Variants in KIF6 observed in about 807,000 individuals in gnomAD.
KIF6 encodes kinesin-like protein KIF6.
Under a neutral mutation model 112.7 loss-of-function variants are expected in KIF6, and 106 were observed. The ratio of observed to expected loss-of-function variants is 0.94; its 90% confidence interval spans 0.80 to 1.11. KIF6 has a LOEUF of 1.11. Among genes scored for constraint, KIF6 ranks in the 50% least tolerant of loss-of-function variants. The pLI, the probability that KIF6 is intolerant of heterozygous loss-of-function variation, is 0.00. For missense variants in KIF6, 929 were observed against 964.0 expected (o/e 0.96, Z 0.48); for synonymous variants, 339 against 339.9 (o/e 1.00, Z 0.03).
chr6:39,362,469 C>G lies in KIF6; in HGVS notation c.1911G>C (p.Glu637Asp). ...AVPLMPDQQE[E>D]KLRSQLEEEK... ...CTTCCTCCAGTTGTGATCGCAGCTTCTCCTCCTGCTGGTCTGGCATCAGAG... is the reference window on the plus strand; with the variant it reads ...CTTCCTCCAGTTGTGATCGCAGCTTGTCCTCCTGCTGGTCTGGCATCAGAG... The change falls in exon 17 of 23, where the codon GAG becomes GAC. Residue 637 changes from glutamate (E) to aspartate (D), a missense_variant. Physicochemically the swap from Glu to Asp is conservative, Grantham distance 45. Coordinates refer to ENST00000287152, the MANE Select transcript of KIF6 (RefSeq NM_145027.6). 3.7e-6 allele frequency: 6 copies of G among 1,614,172 alleles called. No homozygotes were observed. Among genetic ancestry groups the G allele is most frequent in the Non-Finnish European group, 5.1e-6 (6 of 1,180,010 alleles).
At chr6:39,487,736 G>T (rs1775204403) in intron 13 of KIF6, among the ~76,000 whole-genome samples, 2 of 152,268 alleles carry the variant, frequency 1.3e-5, no homozygotes, top group Admixed American at 1.3e-4. Flanking sequence ...GCAGTTTAGT[G>T]GCTGAAAAAC....
intron 19 of KIF6, among the ~76,000 whole-genome samples, chr6:39,351,393 G>C (rs1764236147): frequency 6.6e-6 from 1 of 151,128 alleles, no homozygotes; most frequent in African/African-American, 2.4e-5. Context: ...ACCACGCCCG[G>C]CTATGGATTT....
At position 39,336,352 on chromosome 6, in the gene KIF6, C is replaced by G; in HGVS notation, c.*180G>C. 3 of 626,268 alleles carry G rather than the reference C, an allele frequency of 4.8e-6. No homozygotes were observed. The highest frequency in any genetic ancestry group is 8.4e-6 in the Non-Finnish European group (3 of 355,244). The allele number at this position is 626,268 out of a possible 1,614,324, so 38.8% of individuals were successfully genotyped here. ...TTGTGGTCAGCCCCAGCCCCAGCCT[C>G]TCGGTGGCCTCCAGGTCAGCATCCT... is the stretch of plus-strand genomic sequence containing the variant. On this transcript the variant is annotated 3_prime_UTR_variant, in exon 23 of 23. Coordinates refer to ENST00000287152, the MANE Select transcript of KIF6 (RefSeq NM_145027.6).
chr6:39,429,638 A>G (rs150687328), intron 14 of KIF6, among the ~76,000 whole-genome samples: 4,821 of 152,282 alleles, frequency 0.032, 115 homozygotes, highest in Admixed American at 0.039. Context: ...GGCCAGGCGC[A>G]GTGGCTCATG....
At chr6:39,548,041 G>A (rs74904963) in intron 10 of KIF6, among the ~76,000 whole-genome samples, 5 of 152,234 alleles carry the variant, frequency 3.3e-5, no homozygotes, top group African/African-American at 7.2e-5. Flanking sequence ...ATATACACTC[G>A]TTTTCTGGAG....
In KIF6 at chr6:39,385,666, A is replaced by G. The variant is rs1260403980; in HGVS notation, c.1817T>C (p.Leu606Pro). The G allele has an allele frequency of 1.2e-6, 2 of 1,612,546 alleles. No individual in the cohort carries two copies. Among genetic ancestry groups the G allele is most frequent in the Non-Finnish European group, 1.7e-6 (2 of 1,179,138 alleles). ...ATGCCGCTGGGTGATTTCTTCCTTC[A>G]GGTGACCTGCCAAAGACACAAAAGA... The part of the protein sequence containing the change: ...INEARSKIGH[L>P]KEEITQRHIQ... Residue 606 changes from leucine to proline, a missense_variant, in exon 16 of 23, where the codon CTG (leucine) becomes CCG (proline). By Grantham distance (98) the Leu-to-Pro change is moderately conservative. Coordinates refer to ENST00000287152, the MANE Select transcript of KIF6 (RefSeq NM_145027.6).
chr6:39,434,777 A>T (rs1369894785), intron 13 of KIF6, among the ~76,000 whole-genome samples: 3 of 152,064 alleles, frequency 2.0e-5, no homozygotes, highest in Non-Finnish European at 4.4e-5. Context: ...AAGGATCTGA[A>T]GGATGAAGCA....
rs565707405 is a variant in KIF6, at chr6:39,685,291, T to C, written c.251+29401A>G. On this transcript the variant is annotated intron_variant, in intron 3 of 22. Coordinates refer to ENST00000287152, the MANE Select transcript of KIF6 (RefSeq NM_145027.6). The stretch of plus-strand genomic sequence containing the variant: ...CAGGAAACAAATGGAGGACTGGCCT[T>C]TGGCAGAGACAGTAGAGCTCTGACT... Among the ~76,000 whole-genome samples the C allele has an allele frequency of 7.9e-5, 12 of 152,116 alleles. No individual in the cohort carries two copies. In the South Asian group the frequency reaches 1.7e-3, roughly 21 times the overall value.
At chr6:39,400,639 G>T (rs1768629504) in intron 15 of KIF6, among the ~76,000 whole-genome samples, 1 of 152,186 alleles carries the variant, frequency 6.6e-6, no homozygotes. Context: ...TGAGTGTGTG[G>T]CAAGGAGAGG....
rs371863834 is a variant in KIF6, at chr6:39,576,936, T to C, written c.1181+1120A>G. Among the ~76,000 whole-genome samples, 14 of 152,380 alleles carry C rather than the reference T, an allele frequency of 9.2e-5. No homozygotes were observed. In the East Asian group the frequency reaches 2.5e-3, roughly 27 times the overall value. ...GAAGAGACATTTTCAAAGACAATAA[T>C]TGGTAATTCCCTTCTTTGAGGGGAA... On this transcript the variant is annotated intron_variant, in intron 10 of 22. Transcript: ENST00000287152.
chr6:39,634,356 G>A (rs2150757394), intron 5 of KIF6, among the ~76,000 whole-genome samples: 1 of 152,238 alleles, frequency 6.6e-6, no homozygotes, highest in Middle Eastern at 3.4e-3. Context: ...GAAACAATCA[G>A]TGCCAATCTG....
At chr6:39,676,278 A>G (rs1561920321) in intron 3 of KIF6, among the ~76,000 whole-genome samples, 1 of 149,602 alleles carries the variant, frequency 6.7e-6, no homozygotes, top group Non-Finnish European at 1.5e-5. Flanking sequence ...ATTAGACTAA[A>G]GCAGACTTCT....
chr6:39,715,130 T>C (rs1221418249), intron 2 of KIF6, among the ~76,000 whole-genome samples: 1 of 152,220 alleles, frequency 6.6e-6, no homozygotes, highest in Non-Finnish European at 1.5e-5. Context: ...AAGAACAGGA[T>C]GTAAACAGCC....
chr6:39,369,286 C>A (rs953892133), intron 16 of KIF6, among the ~76,000 whole-genome samples: 1 of 152,090 alleles, frequency 6.6e-6, no homozygotes, highest in Non-Finnish European at 1.5e-5. Flanking sequence ...AACACCTTAG[C>A]GGACCCAAGC....
intron 16 of KIF6, among the ~76,000 whole-genome samples, chr6:39,376,466 A>C (rs1437596975): frequency 1.3e-5 from 2 of 152,212 alleles, no homozygotes; most frequent in Admixed American, 1.3e-4. Context: ...CTGGGCTATC[A>C]TCTGGTCCAA....
intron 2 of KIF6, among the ~76,000 whole-genome samples, chr6:39,718,207 G>A (rs1582522671): frequency 1.4e-5 from 2 of 143,810 alleles, no homozygotes; most frequent in East Asian, 4.0e-4. Context: ...TCCAGCCTGG[G>A]CGACAGAGTG....
chr6:39,677,017 A>T (rs1458431090), intron 3 of KIF6, among the ~76,000 whole-genome samples: 3 of 152,202 alleles, frequency 2.0e-5, no homozygotes, highest in South Asian at 2.1e-4. Flanking sequence ...AAAAACAAAA[A>T]ATATATATTT....
intron 10 of KIF6, among the ~76,000 whole-genome samples, chr6:39,550,273 A>T (rs1288685198): frequency 6.6e-6 from 1 of 152,168 alleles, no homozygotes; most frequent in Non-Finnish European, 1.5e-5. Context: ...TCTCTATGGC[A>T]CTGGCTGTGG....
chr6:39,588,356 G>T (rs1205516468), intron 7 of KIF6, among the ~76,000 whole-genome samples: 1 of 152,128 alleles, frequency 6.6e-6, no homozygotes, highest in Non-Finnish European at 1.5e-5. Flanking sequence ...TGGGATTACA[G>T]GCGTGCACCA....
Sources: gnomAD v4.1 joint callset for allele counts (sites outside exome capture counted in the v4.1 genomes callset) on GRCh38, gnomAD v4.1.1 for gene constraint, MANE v1.5 for transcripts, NCBI Gene and HGNC (gene_info 2026-07-23, HGNC 2026-07-21) for gene names.